FGF14: variants seen among roughly 807,000 people sequenced by gnomAD.
The protein encoded by FGF14 is fibroblast growth factor 14, also known as fibroblast growth factor homologous factor 4.
Under a neutral mutation model 25.5 loss-of-function variants are expected in FGF14, and 5 were observed. The ratio of observed to expected loss-of-function variants is 0.20; its 90% CI spans 0.10 to 0.41. The LOEUF is 0.41. Ranked by LOEUF, FGF14 falls within the 10% of genes least tolerant of loss-of-function variation. The pLI is 1.00. For synonymous variants in FGF14, 138 were observed against 118.3 expected (o/e 1.17, Z -1.08); for missense variants, 222 against 320.1 (o/e 0.69, Z 2.34).
At chr13:102,111,539 A>C (rs1304002507) in intron 1 of FGF14, among the ~76,000 whole-genome samples, 2 of 152,058 alleles carry the variant, frequency 1.3e-5, no homozygotes, top group Non-Finnish European at 2.9e-5. Context: ...ACATGGCAAA[A>C]TCCTGTCTCT....
chr13:102,237,765 A>T (rs530812224), intron 1 of FGF14, among the ~76,000 whole-genome samples: 1 of 152,314 alleles, frequency 6.6e-6, no homozygotes, highest in Admixed American at 6.5e-5. Context: ...ATCTTCTGTA[A>T]ATTAACAAAT....
intron 1 of FGF14, among the ~76,000 whole-genome samples, chr13:102,365,355 T>C (rs2057680600): frequency 6.6e-6 from 1 of 152,086 alleles, no homozygotes; most frequent in Non-Finnish European, 1.5e-5. Context: ...CACCCCCAGA[T>C]TCCAATTTTG....
chr13:102,266,370 T>C (rs1455789088), intron 1 of FGF14, among the ~76,000 whole-genome samples: 1 of 151,988 alleles, frequency 6.6e-6, no homozygotes, highest in East Asian at 1.9e-4. Flanking sequence ...CATACCGAGG[T>C]CACCATATCA....
At chr13:101,758,391 CT>C (rs1566863715) in intron 3 of FGF14, among the ~76,000 whole-genome samples, 5 of 152,172 alleles carry the variant, frequency 3.3e-5, no homozygotes, top group Admixed American at 2.0e-4. Context: ...GATGCTGATG[CT>C]GTTTGTCTAG....
intron 1 of FGF14, among the ~76,000 whole-genome samples, chr13:101,890,460 G>T (rs2046210773): frequency 6.6e-6 from 1 of 152,148 alleles, no homozygotes; most frequent in Non-Finnish European, 1.5e-5. Context: ...GGGGACCTCT[G>T]TTCCTCTAAG....
chr13:102,092,043 C>G (rs1441403932), intron 1 of FGF14, among the ~76,000 whole-genome samples: 1 of 152,152 alleles, frequency 6.6e-6, no homozygotes, highest in Non-Finnish European at 1.5e-5. Flanking sequence ...GCTACTGGTA[C>G]TGACTGATGT....
intron 1 of FGF14, among the ~76,000 whole-genome samples, chr13:102,135,016 TCCACAC>T (rs1191112720): frequency 1.0e-5 from 1 of 96,312 alleles, no homozygotes; most frequent in Non-Finnish European, 2.0e-5. Context: ...AGACCCCGTG[TCCACAC>T]ACACACACAC....
chr13:102,181,511 T>C (rs905756430), intron 1 of FGF14, among the ~76,000 whole-genome samples: 2 of 152,138 alleles, frequency 1.3e-5, no homozygotes, highest in African/African-American at 4.8e-5. Flanking sequence ...ATATAACTGA[T>C]GCCTTATAAG....
intron 3 of FGF14, among the ~76,000 whole-genome samples, chr13:101,732,660 AATAAG>A (rs59668284): frequency 0.14 from 21,575 of 152,070 alleles, 1,758 homozygotes; most frequent in East Asian, 0.34. Context: ...TCAAATATCA[AATAAG>A]ATAAGAGAGG....
intron 1 of FGF14, among the ~76,000 whole-genome samples, chr13:102,059,355 A>G (rs1275400069): frequency 6.6e-6 from 1 of 152,198 alleles, no homozygotes; most frequent in Non-Finnish European, 1.5e-5. Context: ...TCACTCTCAC[A>G]ATGAGTGACC....
chr13:102,100,304 G>C (rs1566684444), intron 1 of FGF14, among the ~76,000 whole-genome samples: 1 of 152,302 alleles, frequency 6.6e-6, no homozygotes, highest in East Asian at 1.9e-4. Context: ...CAATGCTGCT[G>C]TGGAACCCTC....
At chr13:101,839,787 T>C (rs940324831) in intron 3 of FGF14, among the ~76,000 whole-genome samples, 3 of 152,010 alleles carry the variant, frequency 2.0e-5, no homozygotes, top group African/African-American at 7.2e-5. Context: ...CATCACATCA[T>C]GTGTACAGAC....
At chr13:101,863,169 C>T (rs1308660763) in intron 3 of FGF14, among the ~76,000 whole-genome samples, 1 of 152,030 alleles carries the variant, frequency 6.6e-6, no homozygotes, top group East Asian at 1.9e-4. Context: ...GTTTAATATA[C>T]TTTTTATGAT....
chr13:102,228,382 T>C (rs2050922531), intron 1 of FGF14, among the ~76,000 whole-genome samples: 1 of 152,178 alleles, frequency 6.6e-6, no homozygotes, highest in Non-Finnish European at 1.5e-5. Flanking sequence ...TATCTTCCTC[T>C]CTAACACTGA....
At chr13:101,780,588 G>A (rs1434977167) in intron 3 of FGF14, among the ~76,000 whole-genome samples, 1 of 152,170 alleles carries the variant, frequency 6.6e-6, no homozygotes, top group Non-Finnish European at 1.5e-5. Flanking sequence ...AGTGTATAAT[G>A]ACACATGGTG....
At chr13:102,247,798 A>C (rs2051957396) in intron 1 of FGF14, among the ~76,000 whole-genome samples, 1 of 152,188 alleles carries the variant, frequency 6.6e-6, no homozygotes, top group African/African-American at 2.4e-5. Context: ...ACATATGTTA[A>C]TTGCGGCACT....
At chr13:102,273,338 C>A (rs143748620) in intron 1 of FGF14, among the ~76,000 whole-genome samples, 127 of 152,248 alleles carry the variant, frequency 8.3e-4, no homozygotes, top group African/African-American at 3.0e-3. Flanking sequence ...CAGAATTAAT[C>A]CACAACATGT....
In FGF14 at chr13:101,733,611, A is replaced by G. The variant is rs71433457; in HGVS notation, c.409-6801T>C. Among the ~76,000 whole-genome samples the G allele has an allele frequency of 2.9e-3, 206 of 71,542 alleles. 1 individual carries two copies. Among genetic ancestry groups the G allele is most frequent in the African/African-American group, 8.8e-3 (175 of 19,798 alleles). The allele number at this position is 71,542 out of a possible 152,430, so 46.9% of individuals were successfully genotyped here. A position where few individuals can be genotyped will look rare whatever the true frequency, so the allele number is the denominator to read the frequency against. ...TCCATCAAAAAAAAAAAAAAAAAAA[A>G]AGAGAGAGAGGAGAGAGAGACAACT... On this transcript the variant is annotated intron_variant, in intron 3 of 4. Coordinates refer to ENST00000376143, the MANE Select transcript of FGF14 (RefSeq NM_004115.4).
intron 3 of FGF14, among the ~76,000 whole-genome samples, chr13:101,834,794 A>G (rs1028416309): frequency 1.2e-4 from 18 of 152,116 alleles, no homozygotes; most frequent in African/African-American, 3.6e-4. Context: ...ATGAGAGTTC[A>G]TATTTAACCA....
Sources: allele counts gnomAD v4.1 joint callset (sites outside exome capture counted in the v4.1 genomes callset), GRCh38; gene constraint gnomAD v4.1.1; transcripts MANE v1.5; gene names NCBI Gene and HGNC (gene_info 2026-07-23, HGNC 2026-07-21).